The following MDN1 variants were observed in gnomAD, a reference collection of about 807,000 sequenced individuals.
MDN1 encodes midasin.
Under a neutral mutation model 669.2 loss-of-function variants are expected in MDN1, and 266 were observed. The observed-to-expected ratio is 0.40, with a 90% CI of 0.36 to 0.44. The LOEUF is 0.44. Ranked by LOEUF, MDN1 falls within the 20% of genes least tolerant of loss-of-function variation. The probability of loss-of-function intolerance (pLI) is 1.00; values close to 1 mark genes in which losing one functional copy is unlikely to be tolerated. For synonymous variants in MDN1, 2,385 were observed against 2,457.1 expected, an observed-to-expected ratio of 0.97 and a Z score of 0.87; for missense variants, 5,940 against 6,754.0, an observed-to-expected ratio of 0.88 and a Z score of 4.22.
intron 80 of MDN1, among the ~76,000 whole-genome samples, chr6:89,673,016 C>G (rs948834074): frequency 2.0e-5 from 3 of 152,230 alleles, no homozygotes; most frequent in Non-Finnish European, 4.4e-5. Context: ...TGAGCTGATG[C>G]TGCCTTCCTA....
In MDN1 at chr6:89,677,666, G is replaced by T; in HGVS notation, c.12443C>A (p.Ala4148Asp). ...GLSYRKGLAW[A>D]RSKNPQEMLH... ...CATCTCTTGAGGGTTTTTTGAACGGGCCCAAGCAAGACCTTTGCGATACGA... is the reference window on the plus strand; with the variant it reads ...CATCTCTTGAGGGTTTTTTGAACGGTCCCAAGCAAGACCTTTGCGATACGA... Residue 4148 changes from alanine (A) to aspartate (D), a missense_variant, in exon 76 of 102, where the codon GCC becomes GAC. Ala to Asp is a moderately radical substitution (Grantham distance 126). Coordinates refer to ENST00000369393, the MANE Select transcript of MDN1 (RefSeq NM_014611.3). 3.7e-6 allele frequency: 6 copies of T among 1,614,110 alleles called. No homozygotes were observed. The highest frequency in any genetic ancestry group is 5.1e-6 in the Non-Finnish European group (6 of 1,180,016).
chr6:89,691,725 GCAAA>G (rs1812391372), intron 63 of MDN1, among the ~76,000 whole-genome samples: 1 of 152,146 alleles, frequency 6.6e-6, no homozygotes, highest in Admixed American at 6.5e-5. Flanking sequence ...GTTTTTAAAA[GCAAA>G]CAGAGTTATC....
chr6:89,757,047 T>C (rs1192135955), intron 19 of MDN1, among the ~76,000 whole-genome samples: 1 of 152,042 alleles, frequency 6.6e-6, no homozygotes. Flanking sequence ...AAAGACAAAA[T>C]GGTTGAAGAG....
At chr6:89,696,746 G>A (rs1412991993) in intron 59 of MDN1, among the ~76,000 whole-genome samples, 172 bp from the exon 60 acceptor site, 1 of 152,180 alleles carries the variant, frequency 6.6e-6, no homozygotes, top group African/African-American at 2.4e-5. Flanking sequence ...TTAAATGAAA[G>A]TGGACTCCAT....
rs368217918 is a variant in MDN1 at position 89,652,552 on chromosome 6, CA to C, written c.15826-272del. 5.3e-5 allele frequency among the ~76,000 whole-genome samples: 8 copies of C among 152,330 alleles called. No homozygotes were observed. In the South Asian group the frequency reaches 1.7e-3, roughly 32 times the overall value. On this transcript the variant is annotated intron_variant, in intron 94 of 101. Transcript: ENST00000369393. Reference sequence around the variant, plus strand: ...CAAAACCCAAACACCCTTAAGTCATCAATAATGAAAATGTTATCTGATTAAT... The same window carrying C: ...CAAAACCCAAACACCCTTAAGTCATCATAATGAAAATGTTATCTGATTAAT...
intron 76 of MDN1, among the ~76,000 whole-genome samples, chr6:89,677,282 C>A (rs763376534): frequency 3.3e-5 from 5 of 151,972 alleles, no homozygotes; most frequent in Non-Finnish European, 7.4e-5. Flanking sequence ...TTAGTAGACA[C>A]AGGGTTTTGC....
At chr6:89,680,971 C>G (rs1811578141) in intron 73 of MDN1, among the ~76,000 whole-genome samples, 1 of 152,108 alleles carries the variant, frequency 6.6e-6, no homozygotes, top group Non-Finnish European at 1.5e-5. Context: ...CCCCCATGCC[C>G]CTACATCCAG....
intron 53 of MDN1, 101 bp downstream of exon 53, chr6:89,705,958 G>C: frequency 1.0e-6 from 1 of 1,000,220 alleles, no homozygotes; most frequent in Non-Finnish European, 1.4e-6. Flanking sequence ...AAATAATATT[G>C]GGCATATAAC....
intron 26 of MDN1, among the ~76,000 whole-genome samples, chr6:89,748,745 T>C (rs987513179): frequency 2.0e-5 from 3 of 151,838 alleles, no homozygotes; most frequent in African/African-American, 2.4e-5. Flanking sequence ...AAATATATAT[T>C]ATTGGGAAGC....
intron 88 of MDN1, among the ~76,000 whole-genome samples, chr6:89,660,410 C>G (rs1483354038): frequency 6.6e-6 from 1 of 151,958 alleles, no homozygotes; most frequent in Non-Finnish European, 1.5e-5. Flanking sequence ...GTCTCAAACT[C>G]TGAGCTCAAG....
chr6:89,713,857 A>C (rs1020551081), intron 46 of MDN1, among the ~76,000 whole-genome samples: 5 of 151,966 alleles, frequency 3.3e-5, no homozygotes, highest in African/African-American at 1.2e-4. Flanking sequence ...GACCACAGTG[A>C]AACCCTGTCT....
chr6:89,654,298 T>G lies in MDN1; in HGVS notation c.15527A>C (p.Asp5176Ala), dbSNP rs774822730. ...CTCCTCTTCCTGATCTTTGCCAGAG[T>G]CTTTTGCAGACTGTTGCTGTTCTTT... ...ASKEQQQSAK[D>A]SGKDQEEEEI... is the part of the protein sequence containing the mutation. Residue 5176 changes from aspartate (D) to alanine (A), a missense_variant, in exon 93 of 102, where the codon GAC becomes GCC. Around this residue, in one of 5 missense-constraint regions of MDN1, gnomAD observed 2,280 missense variants for 2,576.3 expected, o/e 0.88. Transcript: ENST00000369393. 2 of 1,614,188 alleles carry G rather than the reference T, an allele frequency of 1.2e-6. No homozygotes were observed. Among genetic ancestry groups the G allele is most frequent in the South Asian group, 2.2e-5 (2 of 91,092 alleles).
Position 89,683,353 on chromosome 6 carries a change from A to G in MDN1, c.11904-23T>C, listed in dbSNP as rs766791724. On this transcript the variant is annotated intron_variant, in intron 72 of 101. Transcript: ENST00000369393. ...GTCCTGTCCCCAGGTAATGACAGAG[A>G]TAAGAAGAAAAAAACTGGATTAGCA... 4.4e-6 allele frequency: 7 copies of G among 1,606,382 alleles called. No individual in the cohort carries two copies. The South Asian group carries it at 5.5e-5, about 13-fold the overall frequency.
chr6:89,743,080 T>C (rs920234450), intron 31 of MDN1, 70 bp downstream of exon 31: 20 of 1,572,292 alleles, frequency 1.3e-5, no homozygotes, highest in Non-Finnish European at 1.7e-5. Flanking sequence ...GAGAACACTG[T>C]CTCAGGGAGA....
Position 89,781,511 on chromosome 6 carries a change from G to A in MDN1, c.1531C>T (p.His511Tyr), listed in dbSNP as rs1349093397. 6.2e-7 allele frequency: 1 copy of A among 1,612,940 alleles called. No individual in the cohort carries two copies. The highest frequency in any genetic ancestry group is 1.3e-5 in the African/African-American group (1 of 74,874). Residue 511 changes from histidine (H) to tyrosine (Y), a missense_variant, in exon 10 of 102, where the codon CAT becomes TAT. Around this residue, in one of 5 missense-constraint regions of MDN1, gnomAD observed 1,203 missense variants for 1,268.9 expected, o/e 0.95. Coordinates refer to ENST00000369393, the MANE Select transcript of MDN1 (RefSeq NM_014611.3). ...ACAGAACTATCACTCCAAGAGTGAT[G>A]TTTCTCTCCAGTAAGTTGGATATAA... ...DIYIQLTGEK[H>Y]HSWSDSSVGC...
intron 53 of MDN1, among the ~76,000 whole-genome samples, chr6:89,705,525 T>C (rs895087292): frequency 1.3e-5 from 2 of 152,106 alleles, no homozygotes; most frequent in African/African-American, 4.8e-5. Flanking sequence ...ATAAAAAAAC[T>C]GTAGTAGATC....
chr6:89,663,097 A>G, intron 85 of MDN1, 130 bp from the exon 86 acceptor site: 1 of 965,794 alleles, frequency 1.0e-6, no homozygotes, highest in Non-Finnish European at 1.6e-6. Context: ...TACAGAACAC[A>G]CCCTACGGGC....
chr6:89,734,682 A>C (rs1365955772), intron 33 of MDN1, among the ~76,000 whole-genome samples: 2 of 119,254 alleles, frequency 1.7e-5, no homozygotes, highest in African/African-American at 3.4e-5. Flanking sequence ...AAAAAAAAAA[A>C]AAAAAAACAA....
intron 12 of MDN1, among the ~76,000 whole-genome samples, chr6:89,775,964 C>T (rs1025837020): frequency 1.3e-5 from 2 of 152,092 alleles, no homozygotes; most frequent in Non-Finnish European, 2.9e-5. Context: ...CCTGGGATTA[C>T]AGGTGTGAGC....
Sources: gnomAD v4.1 joint callset for allele counts (sites outside exome capture counted in the v4.1 genomes callset) on GRCh38, gnomAD v4.1.1 for gene constraint, gnomAD v4.1.1 regional missense constraint, MANE v1.5 for transcripts, NCBI Gene and HGNC (gene_info 2026-07-23, HGNC 2026-07-21) for gene names.